Variants in GPR158 observed in about 807,000 individuals in gnomAD.
The protein encoded by GPR158 is G protein-coupled receptor 158.
A neutral mutation model predicts 78.2 loss-of-function variants in GPR158; 30 were observed. That is an observed-to-expected ratio of 0.38 (90% CI 0.29 to 0.52). GPR158 has a LOEUF of 0.52. Among genes scored for constraint, GPR158 ranks in the 20% least tolerant of loss-of-function variants. The probability of loss-of-function intolerance (pLI) is 0.83; values close to 1 mark genes in which losing one functional copy is unlikely to be tolerated. For missense variants in GPR158, 1,463 were observed against 1,523.5 expected, an observed-to-expected ratio of 0.96 and a Z score of 0.66; for synonymous variants, 581 against 591.1, an observed-to-expected ratio of 0.98 and a Z score of 0.25.
In GPR158 at chr10:25,524,211, G is replaced by GTA. The variant is rs551081809; in HGVS notation, c.1405-26764_1405-26763dup. ...GATTAGAAAACTGAATAGGTTAGCA[G>GTA]TACTCCCCAGATTGATCCACAGATC... On this transcript the variant is annotated intron_variant, in intron 5 of 10. Transcript: ENST00000376351. Among the ~76,000 whole-genome samples the GTA allele has an allele frequency of 5.9e-4, 90 of 152,324 alleles. No individual in the cohort carries two copies. The East Asian group carries it at 0.016, about 28-fold the overall frequency.
At chr10:25,422,567 C>T (rs890990690) in intron 4 of GPR158, among the ~76,000 whole-genome samples, 1 of 150,636 alleles carries the variant, frequency 6.6e-6, no homozygotes, top group African/African-American at 2.4e-5. Flanking sequence ...CAAAATTCCT[C>T]ATCTGAATGC....
chr10:25,280,413 G>T (rs1854251032), intron 2 of GPR158, among the ~76,000 whole-genome samples: 1 of 152,134 alleles, frequency 6.6e-6, no homozygotes, highest in Non-Finnish European at 1.5e-5. Context: ...TTACACTAAG[G>T]AATAGATAAC....
rs1286003965 is a variant in GPR158, at chr10:25,530,627, G to GA, written c.1405-20344dup. On this transcript the variant is annotated intron_variant, in intron 5 of 10. Transcript: ENST00000376351. Reference sequence around the variant, plus strand: ...ACAAACAAAGCTGATCCATTATCCAGAAAAATAAGCACGTATGCAGAGACA... The same window carrying GA: ...ACAAACAAAGCTGATCCATTATCCAGAAAAAATAAGCACGTATGCAGAGACA... Among the ~76,000 whole-genome samples the GA allele has an allele frequency of 7.2e-5, 11 of 152,310 alleles. No homozygotes were observed. The South Asian group carries it at 1.2e-3, about 17-fold the overall frequency.
At chr10:25,342,024 C>T (rs1855310125) in intron 2 of GPR158, among the ~76,000 whole-genome samples, 1 of 151,896 alleles carries the variant, frequency 6.6e-6, no homozygotes, top group African/African-American at 2.4e-5. Flanking sequence ...TCAGTTCTAG[C>T]ATCTTTGGTG....
At chr10:25,429,861 C>G (rs1834875580) in intron 4 of GPR158, among the ~76,000 whole-genome samples, 1 of 140,872 alleles carries the variant, frequency 7.1e-6, no homozygotes, top group South Asian at 2.4e-4. Context: ...GGACGTATCT[C>G]AAAATAATAA....
chr10:25,478,026 C>T, intron 5 of GPR158, among the ~76,000 whole-genome samples: 1 of 152,128 alleles, frequency 6.6e-6, no homozygotes. Flanking sequence ...CTCAACCCAT[C>T]AGAGAGAAGT....
At chr10:25,399,066 A>T (rs1028380696) in intron 3 of GPR158, among the ~76,000 whole-genome samples, 9 of 152,204 alleles carry the variant, frequency 5.9e-5, no homozygotes, top group African/African-American at 2.2e-4. Flanking sequence ...ATTGACTCAC[A>T]GTTTCACATG....
intron 1 of GPR158, among the ~76,000 whole-genome samples, chr10:25,187,471 G>T (rs2130636780): frequency 6.6e-6 from 1 of 152,294 alleles, no homozygotes; most frequent in East Asian, 1.9e-4. Context: ...TGCAAGGCTA[G>T]TTCAACATAC....
At chr10:25,300,365 C>T (rs1027342355) in intron 2 of GPR158, among the ~76,000 whole-genome samples, 17 of 152,154 alleles carry the variant, frequency 1.1e-4, no homozygotes, top group Non-Finnish European at 2.9e-5. Flanking sequence ...TCTCTTCTGC[C>T]TTCCTCTTTC....
At chr10:25,473,609 A>G (rs552625366) in intron 5 of GPR158, among the ~76,000 whole-genome samples, 1 of 152,296 alleles carries the variant, frequency 6.6e-6, no homozygotes, top group South Asian at 2.1e-4. Context: ...TTGGTAGGCT[A>G]TTAATATTGC....
intron 1 of GPR158, among the ~76,000 whole-genome samples, chr10:25,219,534 G>A (rs969959965): frequency 1.3e-5 from 2 of 152,140 alleles, no homozygotes; most frequent in African/African-American, 4.8e-5. Context: ...TCATTTCACT[G>A]ATCATCTGGA....
chr10:25,272,756 AT>A (rs1160763059), intron 2 of GPR158, among the ~76,000 whole-genome samples: 5 of 152,222 alleles, frequency 3.3e-5, no homozygotes, highest in Admixed American at 6.5e-5. Flanking sequence ...GGGAAGCCTA[AT>A]TTGGAGGAAA....
At chr10:25,323,581 C>T (rs1196195393) in intron 2 of GPR158, among the ~76,000 whole-genome samples, 1 of 150,874 alleles carries the variant, frequency 6.6e-6, no homozygotes, top group Non-Finnish European at 1.5e-5. Flanking sequence ...GGCTGGAGTA[C>T]AGTGGTGCAA....
intron 2 of GPR158, among the ~76,000 whole-genome samples, chr10:25,367,704 C>T (rs1833908959): frequency 6.6e-6 from 1 of 151,672 alleles, no homozygotes; most frequent in East Asian, 1.9e-4. Context: ...ATTTCAAAGT[C>T]ACATATTTAG....
chr10:25,257,510 A>G (rs934929284), intron 2 of GPR158, among the ~76,000 whole-genome samples: 2 of 152,160 alleles, frequency 1.3e-5, no homozygotes, highest in Admixed American at 6.5e-5. Flanking sequence ...ATTCTGCTCT[A>G]TTTTCTACAC....
intron 3 of GPR158, among the ~76,000 whole-genome samples, chr10:25,401,749 A>C (rs1834448816): frequency 6.6e-6 from 1 of 152,096 alleles, no homozygotes; most frequent in Admixed American, 6.6e-5. Flanking sequence ...GGTAGGAAGA[A>C]TGTCTGAAAC....
rs145089202 is a variant in GPR158, at chr10:25,567,463, A to G, written c.1515-5186A>G. Among the ~76,000 whole-genome samples, 49 of 152,338 alleles carry G rather than the reference A, an allele frequency of 3.2e-4. 2 individuals carry two copies. The highest frequency in any genetic ancestry group is 1.2e-3 in the African/African-American group (48 of 41,598). On this transcript the variant is annotated intron_variant, in intron 6 of 10. Coordinates refer to ENST00000376351, the MANE Select transcript of GPR158 (RefSeq NM_020752.3). Reference sequence around the variant, plus strand: ...GGGTGGGATCTAAGAGTTCTCATTCATAACAAGTTTCTGGGTAAAATTGAT... The same window carrying G: ...GGGTGGGATCTAAGAGTTCTCATTCGTAACAAGTTTCTGGGTAAAATTGAT...
At chr10:25,524,534 G>T (rs1267021098) in intron 5 of GPR158, among the ~76,000 whole-genome samples, 2 of 152,114 alleles carry the variant, frequency 1.3e-5, no homozygotes, top group African/African-American at 4.8e-5. Context: ...TGTTCAATGG[G>T]GAAAGAATAG....
At chr10:25,566,362 G>A (rs1186749406) in intron 6 of GPR158, among the ~76,000 whole-genome samples, 2 of 152,110 alleles carry the variant, frequency 1.3e-5, no homozygotes, top group Non-Finnish European at 2.9e-5. Flanking sequence ...ATCCCGGACC[G>A]AAGTAAGTCC....
Sources: gnomAD v4.1 joint callset for allele counts (sites outside exome capture counted in the v4.1 genomes callset) on GRCh38, gnomAD v4.1.1 for gene constraint, MANE v1.5 for transcripts, NCBI Gene and HGNC (gene_info 2026-07-23, HGNC 2026-07-21) for gene names.